Variants in MINK1 observed in about 807,000 individuals in gnomAD.
MINK1 encodes the protein misshapen like kinase 1.
Under a neutral mutation model 178.4 loss-of-function variants are expected in MINK1, and 46 were observed. That is an observed-to-expected ratio of 0.26 (90% CI 0.20 to 0.33). The LOEUF (loss-of-function observed/expected upper bound fraction) is 0.33, where lower values mean the gene tolerates loss of function less well. Ranked by LOEUF, MINK1 falls within the 10% of genes least tolerant of loss-of-function variation. MINK1 has a pLI of 1.00. For missense variants in MINK1, 1,366 were observed against 1,814.9 expected (o/e 0.75, Z 4.49); for synonymous variants, 797 against 709.7 (o/e 1.12, Z -1.96).
At chr17:4,893,339 C>T (rs1336540044) in intron 20 of MINK1, 95 bp from the exon 21 acceptor site, 3 of 1,613,380 alleles carry the variant, frequency 1.9e-6, no homozygotes, top group South Asian at 1.1e-5. Flanking sequence ...TTGTGGGAGC[C>T]CCTCCTGTCG....
At chr17:4,869,784 T>C (rs1362461072) in intron 1 of MINK1, among the ~76,000 whole-genome samples, 1 of 148,716 alleles carries the variant, frequency 6.7e-6, no homozygotes, top group Non-Finnish European at 1.5e-5. Flanking sequence ...TATTTTATTT[T>C]TATTTATTCA....
intron 1 of MINK1, among the ~76,000 whole-genome samples, chr17:4,877,421 C>T (rs1356364143): frequency 6.6e-6 from 1 of 152,192 alleles, no homozygotes; most frequent in Non-Finnish European, 1.5e-5. Context: ...CCTGCTGACT[C>T]CCTCCGTCCA....
At position 4,897,873 on chromosome 17, in the gene MINK1, C is replaced by G. The variant is rs1301569196; in HGVS notation, c.*586C>G. ...TCCCCCCATTCCCGACCCCCCTCTC[C>G]TCTTCTAGCCCATGCCCTTCCCCGG... On this transcript the variant is annotated 3_prime_UTR_variant, in exon 32 of 32. Transcript: ENST00000355280. 6.6e-6 allele frequency: 1 copy of G among 152,242 alleles called. No individual in the cohort carries two copies. Among genetic ancestry groups the G allele is most frequent in the Non-Finnish European group, 1.5e-5 (1 of 68,122 alleles). The allele number at this position is 152,242 out of a possible 1,614,324, so 9.4% of individuals were successfully genotyped here. A position where few individuals can be genotyped will look rare whatever the true frequency, so the allele number is the denominator to read the frequency against.
chr17:4,865,645 A>G (rs1257419458), intron 1 of MINK1, among the ~76,000 whole-genome samples: 1 of 150,644 alleles, frequency 6.6e-6, no homozygotes, highest in African/African-American at 2.4e-5. Context: ...AGCACTTTGG[A>G]AGACAGGCAG....
chr17:4,844,066 G>T (rs1910640978), intron 1 of MINK1, among the ~76,000 whole-genome samples: 1 of 152,000 alleles, frequency 6.6e-6, no homozygotes, highest in Non-Finnish European at 1.5e-5. Flanking sequence ...ACAGTGGTGC[G>T]ATCTAGGCTC....
chr17:4,880,457 T>G (rs1967591875), intron 2 of MINK1, among the ~76,000 whole-genome samples: 1 of 150,814 alleles, frequency 6.6e-6, no homozygotes, highest in Non-Finnish European at 1.5e-5. Flanking sequence ...AGCTAATTTT[T>G]TGTATTTTTA....
intron 1 of MINK1, among the ~76,000 whole-genome samples, chr17:4,840,224 G>C (rs72835013): frequency 0.074 from 11,296 of 152,090 alleles, 465 homozygotes; most frequent in Non-Finnish European, 0.094. Context: ...AGTTGAACCA[G>C]CAGGTAGAGT....
intron 1 of MINK1, among the ~76,000 whole-genome samples, chr17:4,837,313 A>G (rs1401341318): frequency 2.6e-5 from 4 of 152,230 alleles, no homozygotes; most frequent in Admixed American, 6.5e-5. Flanking sequence ...CGTTTGTTGC[A>G]GAAGTGCCTC....
intron 1 of MINK1, among the ~76,000 whole-genome samples, chr17:4,851,351 T>C (rs1029037583): frequency 1.3e-5 from 2 of 152,182 alleles, no homozygotes; most frequent in Middle Eastern, 6.3e-3. Flanking sequence ...TCAGAACCAG[T>C]GCCCAGGCCT....
chr17:4,837,304 G>A (rs941852719), intron 1 of MINK1, among the ~76,000 whole-genome samples: 6 of 152,318 alleles, frequency 3.9e-5, no homozygotes, highest in Non-Finnish European at 8.8e-5. Context: ...GGGCTCAAAC[G>A]TTTGTTGCAG....
chr17:4,853,501 T>C (rs913771923), intron 1 of MINK1, among the ~76,000 whole-genome samples: 23 of 151,406 alleles, frequency 1.5e-4, no homozygotes, highest in Non-Finnish European at 2.9e-4. Context: ...GTTGTTGCTG[T>C]GTGCCATCGG....
intron 1 of MINK1, among the ~76,000 whole-genome samples, chr17:4,870,213 A>G (rs79725700): frequency 2.4e-5 from 3 of 123,612 alleles, no homozygotes; most frequent in South Asian, 2.5e-4. Flanking sequence ...CGCCCGGCCA[A>G]TTTTTTTTTT....
intron 1 of MINK1, among the ~76,000 whole-genome samples, chr17:4,837,263 A>T (rs1909454257): frequency 6.6e-6 from 1 of 152,168 alleles, no homozygotes; most frequent in African/African-American, 2.4e-5. Context: ...TTGTATCCCC[A>T]GTGCCTGTAA....
rs1023616084 is a variant in MINK1, at chr17:4,897,494, T to C, written c.*207T>C. 21 of 540,802 alleles carry C rather than the reference T, an allele frequency of 3.9e-5. No individual in the cohort carries two copies. The highest frequency in any genetic ancestry group is 6.2e-5 in the Non-Finnish European group (19 of 304,126). The allele number at this position is 540,802 out of a possible 1,614,324, so 33.5% of individuals were successfully genotyped here. A position where few individuals can be genotyped will look rare whatever the true frequency, so the allele number is the denominator to read the frequency against. On this transcript the variant is annotated 3_prime_UTR_variant, in exon 32 of 32. Transcript: ENST00000355280. ...CCCCAACATGTCCTCTTCCCAAAAC[T>C]GTGCCTGTCCCCAGCTTCTGGGGAG...
Position 4,887,023 on chromosome 17 carries a change from G to A in MINK1, c.950-87G>A. ...CCCCTCATGCTTGCCCAGCCAGAGA[G>A]ACCTGGTTATCCCCACCCAAGGTTT... On this transcript the variant is annotated intron_variant, in intron 10 of 31. Transcript: ENST00000355280. This position sits in a 1 kb window ranked among gnomAD's most constrained non-coding sequence, Gnocchi z 7.6. 7.1e-7 allele frequency: 1 copy of A among 1,402,064 alleles called. No individual in the cohort carries two copies. The highest frequency in any genetic ancestry group is 9.8e-7 in the Non-Finnish European group (1 of 1,018,660). The allele number at this position is 1,402,064 out of a possible 1,614,324, so 86.9% of individuals were successfully genotyped here.
intron 1 of MINK1, among the ~76,000 whole-genome samples, chr17:4,865,436 A>AAAT (rs1567582438): frequency 2.6e-5 from 4 of 151,932 alleles, no homozygotes; most frequent in Non-Finnish European, 5.9e-5. Context: ...ACTGTCTCAA[A>AAAT]AAATAAATAA....
intron 1 of MINK1, among the ~76,000 whole-genome samples, chr17:4,867,847 A>G (rs1915270328): frequency 6.6e-6 from 1 of 152,164 alleles, no homozygotes; most frequent in Non-Finnish European, 1.5e-5. Context: ...ACATAATTAT[A>G]CATATTGATG....
At chr17:4,840,798 A>G (rs1910099489) in intron 1 of MINK1, among the ~76,000 whole-genome samples, 1 of 152,172 alleles carries the variant, frequency 6.6e-6, no homozygotes, top group South Asian at 2.1e-4. Flanking sequence ...TTGAAAGGAA[A>G]CAGGGTTGGG....
chr17:4,840,377 G>A (rs201542262), intron 1 of MINK1, among the ~76,000 whole-genome samples: 10 of 152,220 alleles, frequency 6.6e-5, no homozygotes, highest in Middle Eastern at 3.4e-3. Flanking sequence ...GAATCTTCCT[G>A]TGGGAGGGGA....
Sources: gnomAD v4.1 joint callset for allele counts (sites outside exome capture counted in the v4.1 genomes callset) on GRCh38, gnomAD v4.1.1 for gene constraint, Gnocchi (gnomAD v3.1) non-coding constraint, MANE v1.5 for transcripts, NCBI Gene and HGNC (gene_info 2026-07-23, HGNC 2026-07-21) for gene names.